The following HACE1 variants were observed in gnomAD, a reference collection of about 807,000 sequenced individuals.
The protein encoded by HACE1 is E3 ubiquitin-protein ligase HACE1.
A neutral mutation model predicts 118.4 loss-of-function variants in HACE1; 73 were observed. That is an observed-to-expected ratio of 0.62 (90% CI 0.51 to 0.75). The LOEUF is 0.75. Ranked by LOEUF, HACE1 falls within the 30% of genes least tolerant of loss-of-function variation. HACE1 has a pLI of 0.00. For synonymous variants in HACE1, 368 were observed against 374.8 expected (o/e 0.98, Z 0.21); for missense variants, 749 against 1,102.2 (o/e 0.68, Z 4.54).
At chr6:104,785,369 TA>T (rs71729885) in intron 11 of HACE1, 50 bp from the exon 12 acceptor site, 45,271 of 680,668 alleles carry the variant, frequency 0.067, 282 homozygotes, top group African/African-American at 0.14. Context: ...ACTACAGGAT[TA>T]AAAAAAAAAA....
intron 10 of HACE1, among the ~76,000 whole-genome samples, chr6:104,792,506 G>A (rs141905383): frequency 1.1e-4 from 16 of 152,260 alleles, no homozygotes; most frequent in African/African-American, 3.9e-4. Context: ...GTTGATGGTG[G>A]TTTTATTTTG....
At chr6:104,857,785 G>A (rs1018251789) in intron 1 of HACE1, among the ~76,000 whole-genome samples, 2 of 151,832 alleles carry the variant, frequency 1.3e-5, no homozygotes, top group African/African-American at 4.8e-5. Flanking sequence ...GTGAAACCCC[G>A]TCTCTACTAA....
intron 14 of HACE1, among the ~76,000 whole-genome samples, chr6:104,783,324 T>G (rs568769525): frequency 1.3e-5 from 2 of 152,340 alleles, no homozygotes; most frequent in Non-Finnish European, 2.9e-5. Flanking sequence ...GTAGTTACTA[T>G]TTTATACATA....
intron 22 of HACE1, among the ~76,000 whole-genome samples, chr6:104,738,811 C>T (rs999809636): frequency 4.7e-5 from 7 of 148,066 alleles, no homozygotes; most frequent in Admixed American, 3.4e-4. Context: ...TCAGGAAATA[C>T]AGAGAATGCC....
chr6:104,808,507 C>A (rs1020210861), intron 7 of HACE1, among the ~76,000 whole-genome samples: 1 of 152,152 alleles, frequency 6.6e-6, no homozygotes. Flanking sequence ...AACCTGCCTA[C>A]ACAAACTAGG....
intron 19 of HACE1, among the ~76,000 whole-genome samples, chr6:104,768,558 C>T (rs1343068870): frequency 3.3e-5 from 5 of 151,854 alleles, no homozygotes; most frequent in East Asian, 3.9e-4. Flanking sequence ...TATGTTGAAA[C>T]CTCAACAATT....
chr6:104,844,339 T>C (rs1775420514), intron 4 of HACE1, among the ~76,000 whole-genome samples: 1 of 146,904 alleles, frequency 6.8e-6, no homozygotes, highest in Non-Finnish European at 1.5e-5. Flanking sequence ...TGGCCCATCA[T>C]AAACATTTTT....
In HACE1 at chr6:104,733,127, T is replaced by C. The variant is rs1299125300; in HGVS notation, c.2514-2711A>G. ...AAATCAAGTCGTTCTGAATTTCCTA[T>C]GATGTCGAATTTCAAATTAAATGTA... is the stretch of plus-strand genomic sequence containing the variant. On this transcript the variant is annotated intron_variant, in intron 22 of 23. Transcript: ENST00000262903. Among the ~76,000 whole-genome samples, 4 of 152,228 alleles carry C rather than the reference T, an allele frequency of 2.6e-5. No homozygotes were observed. The East Asian group carries it at 7.7e-4, about 29-fold the overall frequency.
intron 19 of HACE1, among the ~76,000 whole-genome samples, chr6:104,751,203 GAATGT>G (rs1778009106): frequency 6.6e-6 from 1 of 152,154 alleles, no homozygotes; most frequent in Non-Finnish European, 1.5e-5. Context: ...TGTCTCATTA[GAATGT>G]AATCTCTCTG....
At chr6:104,812,595 A>C (rs551752107) in intron 6 of HACE1, among the ~76,000 whole-genome samples, 76 of 152,300 alleles carry the variant, frequency 5.0e-4, no homozygotes, top group Non-Finnish European at 9.0e-4. Flanking sequence ...AGAAAACAAC[A>C]GCATACTGGA....
chr6:104,756,426 A>ATATAT (rs1554225505), intron 19 of HACE1, among the ~76,000 whole-genome samples: 80 of 105,900 alleles, frequency 7.6e-4, no homozygotes, highest in Non-Finnish European at 1.2e-3. Context: ...AAAAAAAAAA[A>ATATAT]ATATATATAT....
Position 104,859,893 on chromosome 6 carries a change from GTCCC to G in HACE1, c.-255_-252del, listed in dbSNP as rs1328061425. On this transcript the variant is annotated 5_prime_UTR_variant, in exon 1 of 24. Transcript: ENST00000262903. ...CCTTTCCTGCAGCCCCCGCCGCCGC[GTCCC>G]TCCCGGGCTCGCGTGGCCTTCTGGG... 2 of 472,366 alleles carry G rather than the reference GTCCC, an allele frequency of 4.2e-6. No individual in the cohort carries two copies. The highest frequency in any genetic ancestry group is 7.5e-6 in the Non-Finnish European group (2 of 267,190). 29.3% of individuals were successfully genotyped at this position (472,366 alleles called of 1,614,324 possible). A position where few individuals can be genotyped will look rare whatever the true frequency, so the allele number is the denominator to read the frequency against.
intron 17 of HACE1, among the ~76,000 whole-genome samples, 199 bp from the exon 18 acceptor site, chr6:104,772,273 T>C (rs369564339): frequency 7.0e-4 from 107 of 152,306 alleles, no homozygotes; most frequent in African/African-American, 2.3e-3. Context: ...TAATCATTTA[T>C]TCATACATAT....
chr6:104,785,906 A>C (rs1782339678), intron 11 of HACE1: 1 of 152,344 alleles, frequency 6.6e-6, no homozygotes, highest in East Asian at 1.9e-4. Flanking sequence ...AATTCCTAGA[A>C]TTTGGATAAT....
intron 22 of HACE1, among the ~76,000 whole-genome samples, chr6:104,738,874 A>G (rs2114453269): frequency 6.6e-6 from 1 of 151,302 alleles, no homozygotes; most frequent in South Asian, 2.1e-4. Context: ...TGTCAGATTC[A>G]CCAAAGCTGA....
At chr6:104,760,111 C>T (rs1779172978) in intron 19 of HACE1, among the ~76,000 whole-genome samples, 1 of 152,152 alleles carries the variant, frequency 6.6e-6, no homozygotes, top group African/African-American at 2.4e-5. Flanking sequence ...CCAAATTCTA[C>T]CAGAGGTACA....
At chr6:104,789,270 A>T (rs536242561) in intron 11 of HACE1, among the ~76,000 whole-genome samples, 8 of 152,288 alleles carry the variant, frequency 5.3e-5, no homozygotes, top group African/African-American at 1.9e-4. Context: ...TTAACAGTTA[A>T]TACTTATTAA....
chr6:104,859,253 G>C (rs974602799), intron 1 of HACE1: 6 of 340,298 alleles, frequency 1.8e-5, no homozygotes, highest in Non-Finnish European at 3.2e-5. Flanking sequence ...TCCGGGTCTC[G>C]GGCCTCCGGC....
At chr6:104,766,673 T>C (rs1054053133) in intron 19 of HACE1, 1 of 152,236 alleles carries the variant, frequency 6.6e-6, no homozygotes, top group Non-Finnish European at 1.5e-5. Flanking sequence ...TTGTTCACAT[T>C]CACTGCCTTA....
Sources: gnomAD v4.1 joint callset for allele counts (sites outside exome capture counted in the v4.1 genomes callset) on GRCh38, gnomAD v4.1.1 for gene constraint, MANE v1.5 for transcripts, NCBI Gene and HGNC (gene_info 2026-07-23, HGNC 2026-07-21) for gene names.